PRELID3A: variants seen among roughly 807,000 people sequenced by gnomAD.
PRELID3A encodes the protein PRELI domain containing 3A, also known as PRELI domain containing protein 3A.
Under a neutral mutation model 23.0 loss-of-function variants are expected in PRELID3A, and 27 were observed. That is an observed-to-expected ratio of 1.17 (90% CI 0.87 to 1.62). The LOEUF (loss-of-function observed/expected upper bound fraction) is 1.62. Among genes scored for constraint, PRELID3A ranks in the 40% most tolerant of loss-of-function variants. The pLI is 0.00. For missense variants in PRELID3A, 231 were observed against 231.4 expected (o/e 1.00, Z 0.01); for synonymous variants, 87 against 86.4 (o/e 1.01, Z -0.04).
At chr18:12,408,791 C>A (rs76937367) in intron 1 of PRELID3A, among the ~76,000 whole-genome samples, 1 of 152,098 alleles carries the variant, frequency 6.6e-6, no homozygotes, top group South Asian at 2.1e-4. Context: ...ATGAGAATTG[C>A]TTAATGGGTG....
At chr18:12,408,477 G>T (rs1201616737) in intron 1 of PRELID3A, among the ~76,000 whole-genome samples, 3 of 152,188 alleles carry the variant, frequency 2.0e-5, no homozygotes, top group African/African-American at 4.8e-5. Context: ...CCCACGGCGG[G>T]CTGTGAGCTC....
At chr18:12,420,672 G>A (rs1272152803) in intron 2 of PRELID3A, among the ~76,000 whole-genome samples, 179 bp downstream of exon 2, 1 of 145,152 alleles carries the variant, frequency 6.9e-6, no homozygotes, top group Admixed American at 6.8e-5. Flanking sequence ...GTGGCGGTGG[G>A]GGGAACTTCC....
chr18:12,411,431 A>T (rs895037192), intron 1 of PRELID3A, among the ~76,000 whole-genome samples: 6 of 135,874 alleles, frequency 4.4e-5, no homozygotes, highest in Admixed American at 1.8e-4. Context: ...GCGCCACTGC[A>T]CTCCAGCCTG....
chr18:12,413,056 C>T (rs1049716831), intron 1 of PRELID3A, among the ~76,000 whole-genome samples: 1 of 152,180 alleles, frequency 6.6e-6, no homozygotes, highest in African/African-American at 2.4e-5. Flanking sequence ...CACAAACATG[C>T]AGCTGGAAAA....
intron 3 of PRELID3A, among the ~76,000 whole-genome samples, chr18:12,424,060 T>C (rs1053723531): frequency 1.3e-5 from 2 of 152,180 alleles, no homozygotes; most frequent in Non-Finnish European, 2.9e-5. Flanking sequence ...CTTAGTGTAC[T>C]ACCTGGACTT....
intron 1 of PRELID3A, among the ~76,000 whole-genome samples, chr18:12,409,159 G>T (rs1290672087): frequency 1.4e-4 from 9 of 66,482 alleles, no homozygotes; most frequent in African/African-American, 2.5e-4. Context: ...CCCAGGCTGG[G>T]TTTTTTTTTT....
In PRELID3A at chr18:12,427,185, G is replaced by C. The variant is rs189680773; in HGVS notation, c.363-36G>C. ...CAGGGCAGACCCTCCTCTCTCTCAGGGCTGGTCAGCCCCTTTTCTTCTTGC... is the reference window on the plus strand; with the variant it reads ...CAGGGCAGACCCTCCTCTCTCTCAGCGCTGGTCAGCCCCTTTTCTTCTTGC... On this transcript the variant is annotated intron_variant, in intron 4 of 6. Coordinates refer to ENST00000440960, the MANE Select transcript of PRELID3A (RefSeq NM_001142405.2). 11,212 of 1,607,626 alleles carry C rather than the reference G, an allele frequency of 7.0e-3. 93 individuals carry two copies. Among genetic ancestry groups the C allele is most frequent in the Non-Finnish European group, 7.5e-3 (8,780 of 1,174,196 alleles).
At position 12,427,265 on chromosome 18, in the gene PRELID3A, G is replaced by T; in HGVS notation, c.407G>T (p.Ser136Ile). The change falls in exon 5 of 7, where the codon AGC (serine) becomes ATC (isoleucine). Residue 136 changes from serine to isoleucine, a missense_variant. Ser to Ile is a moderately radical substitution (Grantham distance 142). Coordinates refer to ENST00000440960, the MANE Select transcript of PRELID3A (RefSeq NM_001142405.2). ...GCCATCATCACTGTGAAGGGGATTA[G>T]CCTTGGTAGTTATTTGGAAAGTTTA... The part of the protein sequence containing the change: ...QEAIITVKGI[S>I]LGSYLESLMA... The T allele has an allele frequency of 6.2e-7, 1 of 1,614,182 alleles. No homozygotes were observed. Among genetic ancestry groups the T allele is most frequent in the Non-Finnish European group, 8.5e-7 (1 of 1,180,032 alleles).
intron 3 of PRELID3A, among the ~76,000 whole-genome samples, chr18:12,426,100 A>G (rs187198435): frequency 1.7e-4 from 25 of 150,256 alleles, no homozygotes; most frequent in Non-Finnish European, 1.5e-4. Flanking sequence ...TTAGCCAGGC[A>G]TGGTGGCACA....
At chr18:12,418,260 T>A (rs928100033) in intron 1 of PRELID3A, among the ~76,000 whole-genome samples, 2 of 152,168 alleles carry the variant, frequency 1.3e-5, no homozygotes, top group Non-Finnish European at 2.9e-5. Context: ...TAATTTATCG[T>A]GTAAAAGTGA....
At chr18:12,420,813 G>T in intron 2 of PRELID3A, among the ~76,000 whole-genome samples, 1 of 135,690 alleles carries the variant, frequency 7.4e-6, no homozygotes. Flanking sequence ...GGACGGTGGG[G>T]GGGTCTTCCT....
intron 6 of PRELID3A, 143 bp from the exon 7 acceptor site, chr18:12,431,007 G>T (rs1189977019): frequency 6.6e-6 from 1 of 152,210 alleles, no homozygotes; most frequent in Admixed American, 6.6e-5. Context: ...TGTGTGATGT[G>T]TATGTGTGTG....
chr18:12,409,297 G>A (rs554110082), intron 1 of PRELID3A, among the ~76,000 whole-genome samples: 1 of 150,756 alleles, frequency 6.6e-6, no homozygotes, highest in East Asian at 2.0e-4. Context: ...CTCCTGAGTA[G>A]CTGGGACTAC....
intron 1 of PRELID3A, among the ~76,000 whole-genome samples, chr18:12,415,245 T>C (rs192660633): frequency 3.1e-3 from 471 of 151,650 alleles, no homozygotes; most frequent in Non-Finnish European, 4.6e-3. Flanking sequence ...ACATCTTTTT[T>C]TTTTTTTAAT....
intron 1 of PRELID3A, among the ~76,000 whole-genome samples, chr18:12,412,065 C>T (rs1403539526): frequency 6.6e-6 from 1 of 152,064 alleles, no homozygotes; most frequent in Non-Finnish European, 1.5e-5. Flanking sequence ...CGCCCGCCAC[C>T]ACGCCTGACT....
intron 1 of PRELID3A, among the ~76,000 whole-genome samples, chr18:12,411,105 C>T (rs1909892709): frequency 6.6e-6 from 1 of 152,060 alleles, no homozygotes; most frequent in South Asian, 2.1e-4. Context: ...AACACTCAGA[C>T]AAAAACAGAG....
At chr18:12,430,265 CTG>C (rs1215081972) in intron 6 of PRELID3A, among the ~76,000 whole-genome samples, 1 of 152,114 alleles carries the variant, frequency 6.6e-6, no homozygotes, top group Non-Finnish European at 1.5e-5. Context: ...CATCCTGTAT[CTG>C]TGTGGTGTGT....
chr18:12,421,664 T>C, intron 3 of PRELID3A, 35 bp downstream of exon 3: 1 of 1,414,682 alleles, frequency 7.1e-7, no homozygotes, highest in African/African-American at 1.4e-5. Flanking sequence ...ACGGGCTCAG[T>C]GTGTCTGGGT....
chr18:12,419,561 G>A (rs1203246669), intron 1 of PRELID3A, among the ~76,000 whole-genome samples: 1 of 151,918 alleles, frequency 6.6e-6, no homozygotes, highest in East Asian at 1.9e-4. Flanking sequence ...CCCGGGAGGC[G>A]GAGGTTGCAG....
Sources: allele counts gnomAD v4.1 joint callset (sites outside exome capture counted in the v4.1 genomes callset), GRCh38; gene constraint gnomAD v4.1.1; transcripts MANE v1.5; gene names NCBI Gene and HGNC (gene_info 2026-07-23, HGNC 2026-07-21).